Variants in RNF180 observed in about 807,000 individuals in gnomAD.
RNF180 encodes ring finger protein 180, also known as E3 ubiquitin-protein ligase RNF180.
Under a neutral mutation model 59.2 loss-of-function variants are expected in RNF180, and 38 were observed. That is an observed-to-expected ratio of 0.64 (90% CI 0.50 to 0.84). RNF180 has a LOEUF of 0.84. Ranked by LOEUF, RNF180 falls within the 40% of genes least tolerant of loss-of-function variation. The pLI, the probability that RNF180 is intolerant of heterozygous loss-of-function variation, is 0.00. For missense variants in RNF180, 705 were observed against 700.9 expected, an observed-to-expected ratio of 1.01 and a Z score of -0.07; for synonymous variants, 262 against 240.3, an observed-to-expected ratio of 1.09 and a Z score of -0.84.
At chr5:64,250,780 A>G (rs77178358) in intron 5 of RNF180, among the ~76,000 whole-genome samples, 1 of 152,208 alleles carries the variant, frequency 6.6e-6, no homozygotes, top group Admixed American at 6.5e-5. Flanking sequence ...CAAATATTTA[A>G]TGAAGGACTA....
At chr5:64,357,937 A>G (rs1746096155) in intron 7 of RNF180, among the ~76,000 whole-genome samples, 1 of 151,828 alleles carries the variant, frequency 6.6e-6, no homozygotes, top group East Asian at 1.9e-4. Flanking sequence ...CCTGATATCA[A>G]CTTGTAGATT....
chr5:64,189,305 T>C (rs1042756390), intron 1 of RNF180, among the ~76,000 whole-genome samples: 1 of 152,062 alleles, frequency 6.6e-6, no homozygotes, highest in African/African-American at 2.4e-5. Flanking sequence ...AGGTAACATA[T>C]GGAGGCTGGA....
Position 64,366,034 on chromosome 5 carries a change from C to T in RNF180, c.1580-3581C>T, listed in dbSNP as rs886557295. Among the ~76,000 whole-genome samples the T allele has an allele frequency of 2.6e-5, 4 of 151,240 alleles. No homozygotes were observed. The Admixed American group carries it at 2.6e-4, about 10-fold the overall frequency. Reference sequence around the variant, plus strand: ...GTTATGTTGTTAGTTGTTTATTATGCCAACCTGTTTTTATGGTTGCTTTAT... The same window carrying T: ...GTTATGTTGTTAGTTGTTTATTATGTCAACCTGTTTTTATGGTTGCTTTAT... On this transcript the variant is annotated intron_variant, in intron 7 of 7. Coordinates refer to ENST00000389100, the MANE Select transcript of RNF180 (RefSeq NM_001113561.2).
intron 5 of RNF180, among the ~76,000 whole-genome samples, chr5:64,275,047 A>G (rs1245028483): frequency 6.6e-6 from 1 of 151,930 alleles, no homozygotes. Flanking sequence ...ATGTGTATAA[A>G]TGCACATTTG....
chr5:64,242,429 A>G (rs913568555), intron 5 of RNF180, among the ~76,000 whole-genome samples: 1 of 152,212 alleles, frequency 6.6e-6, no homozygotes, highest in Non-Finnish European at 1.5e-5. Flanking sequence ...TGACAACTCA[A>G]AATCACTGTT....
chr5:64,295,295 G>A lies in RNF180; in HGVS notation c.1228-29891G>A, dbSNP rs140195430. ...TGCTACTCCAGCAAGCAGAATAATA[G>A]CACTTGCCACCTGGGGCATCTCTGT... On this transcript the variant is annotated intron_variant, in intron 5 of 7. Transcript: ENST00000389100. Among the ~76,000 whole-genome samples the A allele has an allele frequency of 2.6e-4, 40 of 152,242 alleles. 1 individual carries two copies. The East Asian group carries it at 5.4e-3, about 21-fold the overall frequency.
At chr5:64,225,636 G>T (rs1476598911) in intron 5 of RNF180, among the ~76,000 whole-genome samples, 7 of 130,416 alleles carry the variant, frequency 5.4e-5, no homozygotes, top group Non-Finnish European at 9.6e-5. Flanking sequence ...CTGCCCGGCC[G>T]CCCCGTCTGG....
At chr5:64,292,178 G>C (rs1742627989) in intron 5 of RNF180, among the ~76,000 whole-genome samples, 1 of 152,162 alleles carries the variant, frequency 6.6e-6, no homozygotes, top group Non-Finnish European at 1.5e-5. Context: ...TTGCTGGTAA[G>C]GTGCTGCGGT....
At chr5:64,209,066 C>T (rs1752172301) in intron 2 of RNF180, among the ~76,000 whole-genome samples, 1 of 151,910 alleles carries the variant, frequency 6.6e-6, no homozygotes, top group Admixed American at 6.6e-5. Context: ...AAGTTTATTG[C>T]CCTAAAAACT....
chr5:64,192,400 G>T (rs546840032), intron 1 of RNF180, among the ~76,000 whole-genome samples: 1 of 152,088 alleles, frequency 6.6e-6, no homozygotes, highest in Non-Finnish European at 1.5e-5. Context: ...GTTGCCAGGC[G>T]CAGTGGCTCA....
intron 7 of RNF180, among the ~76,000 whole-genome samples, chr5:64,351,576 C>G (rs1476857400): frequency 6.6e-6 from 1 of 151,768 alleles, no homozygotes; most frequent in Non-Finnish European, 1.5e-5. Context: ...GAGATACATC[C>G]CATCAATACC....
At chr5:64,201,305 T>G (rs2112057860) in intron 2 of RNF180, among the ~76,000 whole-genome samples, 1 of 152,278 alleles carries the variant, frequency 6.6e-6, no homozygotes, top group East Asian at 1.9e-4. Context: ...TAGTAAGAAT[T>G]GGAAACTTGT....
rs747934935 is a variant in RNF180 at position 64,181,003 on chromosome 5, A to G, written c.-1+15050A>G. Among the ~76,000 whole-genome samples, 36 of 152,314 alleles carry G rather than the reference A, an allele frequency of 2.4e-4. No homozygotes were observed. In the Middle Eastern group the frequency reaches 0.01, roughly 43 times the overall value. ...TCTGTCGCTGAAGGCTTGAGAGCCC[A>G]TGGCAAACCACTGGTATAGGTCCAA... On this transcript the variant is annotated intron_variant, in intron 1 of 7. Transcript: ENST00000389100.
At chr5:64,256,128 A>G (rs1210548809) in intron 5 of RNF180, among the ~76,000 whole-genome samples, 9 of 151,710 alleles carry the variant, frequency 5.9e-5, no homozygotes, top group Non-Finnish European at 1.0e-4. Flanking sequence ...AGATTGCAAA[A>G]ATTTTCTCCC....
At chr5:64,294,012 G>T (rs75033467) in intron 5 of RNF180, among the ~76,000 whole-genome samples, 11 of 152,000 alleles carry the variant, frequency 7.2e-5, no homozygotes, top group African/African-American at 2.7e-4. Flanking sequence ...CTATGTATGC[G>T]TGATGCATGG....
At chr5:64,320,151 G>T (rs977592895) in intron 5 of RNF180, among the ~76,000 whole-genome samples, 8 of 152,126 alleles carry the variant, frequency 5.3e-5, no homozygotes, top group African/African-American at 1.9e-4. Context: ...GGCAGTAAAG[G>T]TTTAGAGCCA....
intron 1 of RNF180, among the ~76,000 whole-genome samples, chr5:64,176,579 T>TA (rs1196864474): frequency 5.3e-5 from 8 of 152,170 alleles, no homozygotes; most frequent in Admixed American, 2.0e-4. Context: ...CTGAGTTTCA[T>TA]AAAAAAGCTG....
intron 5 of RNF180, among the ~76,000 whole-genome samples, chr5:64,258,814 G>A (rs546014083): frequency 2.2e-4 from 34 of 152,276 alleles, no homozygotes; most frequent in African/African-American, 6.3e-4. Flanking sequence ...AGGAGAGTGG[G>A]TAATGTGAAA....
At chr5:64,313,024 T>A (rs1267971678) in intron 5 of RNF180, among the ~76,000 whole-genome samples, 1 of 152,132 alleles carries the variant, frequency 6.6e-6, no homozygotes, top group Non-Finnish European at 1.5e-5. Flanking sequence ...TTTCAGACTT[T>A]GGGTATTTTC....
Sources: allele counts gnomAD v4.1 joint callset (sites outside exome capture counted in the v4.1 genomes callset), GRCh38; gene constraint gnomAD v4.1.1; transcripts MANE v1.5; gene names NCBI Gene and HGNC (gene_info 2026-07-23, HGNC 2026-07-21).